RPGRIP1L: variants seen among roughly 807,000 people sequenced by gnomAD.
The protein encoded by RPGRIP1L is protein fantom.
A neutral mutation model predicts 160.4 loss-of-function variants in RPGRIP1L; 131 were observed. That is an observed-to-expected ratio of 0.82 (90% confidence interval 0.71 to 0.94). The LOEUF is 0.94. Ranked by LOEUF, RPGRIP1L falls within the 40% of genes least tolerant of loss-of-function variation. The pLI is 0.00. For synonymous variants in RPGRIP1L, 510 were observed against 515.8 expected (o/e 0.99, Z 0.15); for missense variants, 1,522 against 1,535.8 (o/e 0.99, Z 0.15).
chr16:53,660,584 TC>T (rs1967696621), intron 10 of RPGRIP1L, among the ~76,000 whole-genome samples: 1 of 151,520 alleles, frequency 6.6e-6, no homozygotes. Flanking sequence ...AAACCTGTGA[TC>T]CTAGGCAATA....
Position 53,671,558 on chromosome 16 carries a change from T to C in RPGRIP1L, c.1055A>G (p.Glu352Gly), listed in dbSNP as rs1200662096. The C allele has an allele frequency of 6.4e-7, 1 of 1,565,094 alleles. No individual in the cohort carries two copies. Among genetic ancestry groups the C allele is most frequent in the South Asian group, 1.1e-5 (1 of 89,402 alleles). Residue 352 changes from glutamate to glycine, a missense_variant, in exon 9 of 27, where the codon GAA (glutamate) becomes GGA (glycine). Coordinates refer to ENST00000647211, the MANE Select transcript of RPGRIP1L (RefSeq NM_015272.5). Reference sequence around the variant, plus strand: ...TTCCTTTAAAAGTTCCCGTTCCTTTTCTAAATCATTAATTCTATCCTGCAG... The same window carrying C: ...TTCCTTTAAAAGTTCCCGTTCCTTTCCTAAATCATTAATTCTATCCTGCAG... ...EELQDRINDL[E>G]KERELLKENY...
chr16:53,663,432 C>T (rs1967978764), intron 10 of RPGRIP1L, among the ~76,000 whole-genome samples: 1 of 151,890 alleles, frequency 6.6e-6, no homozygotes, highest in Non-Finnish European at 1.5e-5. Flanking sequence ...ACAGAAAGCA[C>T]AGAAATAAAA....
At chr16:53,646,147 T>C (rs1334633016) in intron 16 of RPGRIP1L, 144 bp from the exon 17 acceptor site, 6 of 741,660 alleles carry the variant, frequency 8.1e-6, no homozygotes, top group East Asian at 2.7e-5. Flanking sequence ...TAAACTTTTA[T>C]TCTAATGGAA....
At chr16:53,659,238 G>T in intron 10 of RPGRIP1L, 1 of 947,746 alleles carries the variant, frequency 1.1e-6, no homozygotes, top group Non-Finnish European at 1.3e-6. Flanking sequence ...TGAAAAGCAT[G>T]TGGAAAAAAA....
At chr16:53,648,870 G>A in intron 16 of RPGRIP1L, 94 bp downstream of exon 16, 1 of 1,123,734 alleles carries the variant, frequency 8.9e-7, no homozygotes, top group African/African-American at 1.6e-5. Context: ...ACACTTGATG[G>A]CTGTGAAAAT....
At chr16:53,653,338 C>T in intron 14 of RPGRIP1L, 1 of 1,091,842 alleles carries the variant, frequency 9.2e-7, no homozygotes, top group Non-Finnish European at 1.1e-6. Context: ...GTCTTCACTC[C>T]TATAAAGTCA....
chr16:53,698,477 C>T (rs1452009241), intron 2 of RPGRIP1L, among the ~76,000 whole-genome samples: 7 of 147,816 alleles, frequency 4.7e-5, no homozygotes, highest in Non-Finnish European at 9.0e-5. Context: ...CCAGCCGCCC[C>T]GTCCAGGAGG....
intron 26 of RPGRIP1L, among the ~76,000 whole-genome samples, chr16:53,603,091 G>A (rs1206444032): frequency 1.3e-5 from 2 of 152,070 alleles, no homozygotes; most frequent in Non-Finnish European, 2.9e-5. Flanking sequence ...TTCCCCCACT[G>A]TGGCCTCCCC....
intron 12 of RPGRIP1L, 123 bp from the exon 13 acceptor site, chr16:53,657,755 AACAG>A: frequency 1.6e-6 from 1 of 640,424 alleles, no homozygotes; most frequent in Non-Finnish European, 2.7e-6. Flanking sequence ...ATTAATTGAA[AACAG>A]ACAAAGGAAG....
intron 6 of RPGRIP1L, among the ~76,000 whole-genome samples, chr16:53,681,493 T>C (rs1173005161): frequency 1.3e-5 from 2 of 152,150 alleles, no homozygotes; most frequent in Non-Finnish European, 2.9e-5. Context: ...TTGTTTAAAT[T>C]TAATATGGAT....
At chr16:53,688,094 A>C (rs1970146424) in intron 4 of RPGRIP1L, 129 bp from the exon 5 acceptor site, 4 of 638,838 alleles carry the variant, frequency 6.3e-6, no homozygotes, top group Non-Finnish European at 1.1e-5. Flanking sequence ...TATAGTACAC[A>C]GAATTATAAA....
intron 22 of RPGRIP1L, among the ~76,000 whole-genome samples, chr16:53,627,075 C>T (rs796502758): frequency 2.0e-5 from 3 of 152,080 alleles, no homozygotes; most frequent in Non-Finnish European, 4.4e-5. Flanking sequence ...TTTACTTAGG[C>T]TTATTATTGG....
At chr16:53,641,207 G>A in intron 18 of RPGRIP1L, 78 bp downstream of exon 18, 1 of 1,492,584 alleles carries the variant, frequency 6.7e-7, no homozygotes, top group Non-Finnish European at 9.3e-7. Flanking sequence ...TTTTTTTGGT[G>A]GGGGTGGCAG....
chr16:53,665,663 A>G (rs1968182271), intron 9 of RPGRIP1L, among the ~76,000 whole-genome samples: 1 of 152,238 alleles, frequency 6.6e-6, no homozygotes, highest in Admixed American at 6.5e-5. Flanking sequence ...CTATTCCTCA[A>G]TAAAAGTACA....
At position 53,689,188 on chromosome 16, in the gene RPGRIP1L, T is replaced by C. The variant is rs143092714; in HGVS notation, c.530-1223A>G. Among the ~76,000 whole-genome samples the C allele has an allele frequency of 3.4e-4, 52 of 152,040 alleles. 2 individuals are homozygous for C. The Middle Eastern group carries it at 0.024, about 70-fold the overall frequency. On this transcript the variant is annotated intron_variant, in intron 4 of 26. Transcript: ENST00000647211. ...TTTGATGCATGCATACAATGTGTAA[T>C]GATCCAATCAGGGTATTTAGGATAT...
At chr16:53,609,521 T>C (rs1963895834) in intron 25 of RPGRIP1L, among the ~76,000 whole-genome samples, 1 of 151,784 alleles carries the variant, frequency 6.6e-6, no homozygotes, top group African/African-American at 2.4e-5. Context: ...TAAAAAAATG[T>C]TGTCTCCCAA....
intron 2 of RPGRIP1L, among the ~76,000 whole-genome samples, chr16:53,698,835 C>T (rs1432692005): frequency 6.8e-6 from 1 of 147,404 alleles, no homozygotes; most frequent in East Asian, 2.4e-4. Context: ...CCCGGCCGCC[C>T]CTACTGGGAA....
chr16:53,658,710 T>A, intron 11 of RPGRIP1L, 62 bp downstream of exon 11: 6 of 1,107,692 alleles, frequency 5.4e-6, no homozygotes, highest in Non-Finnish European at 8.0e-6. Context: ...GTGCTTTCTC[T>A]ATGCATAAAA....
At chr16:53,682,934 G>A (rs895349043) in intron 6 of RPGRIP1L, among the ~76,000 whole-genome samples, 1 of 151,976 alleles carries the variant, frequency 6.6e-6, no homozygotes, top group Non-Finnish European at 1.5e-5. Context: ...CTTTTGTCTT[G>A]CACTTAGAAG....
Sources: allele counts gnomAD v4.1 joint callset (sites outside exome capture counted in the v4.1 genomes callset), GRCh38; gene constraint gnomAD v4.1.1; transcripts MANE v1.5; gene names NCBI Gene and HGNC (gene_info 2026-07-23, HGNC 2026-07-21).